The following DRC11 variants were observed in gnomAD, a reference collection of about 807,000 sequenced individuals.
The protein encoded by DRC11 is IQ and AAA domain-containing protein 1.
the DRC11 span, among the ~76,000 whole-genome samples, chr2:236,344,309 A>C: frequency 3.9e-5 from 6 of 152,164 alleles, no homozygotes; most frequent in Admixed American, 3.9e-4. Context: ...TCTGAATCGT[A>C]TGTTTGGGTG....
the DRC11 span, among the ~76,000 whole-genome samples, chr2:236,367,300 C>T: frequency 6.8e-6 from 1 of 147,830 alleles, no homozygotes; most frequent in African/African-American, 2.5e-5. This position sits in a 1 kb window ranked among gnomAD's most constrained non-coding sequence, Gnocchi z 4.8. Flanking sequence ...TTATATAAAA[C>T]ATATATATTA....
At chr2:236,434,551 G>A in the DRC11 span, among the ~76,000 whole-genome samples, 3 of 152,112 alleles carry the variant, frequency 2.0e-5, no homozygotes, top group East Asian at 5.8e-4. This position sits in a 1 kb window ranked among gnomAD's most constrained non-coding sequence, Gnocchi z 5.5. Flanking sequence ...AAACTGAATC[G>A]GAGTGTGGGG....
chr2:236,503,791 G>A, the DRC11 span: 60 of 1,196,002 alleles, frequency 5.0e-5, 1 homozygote, highest in Middle Eastern at 3.7e-3. This position sits in a 1 kb window ranked among gnomAD's most constrained non-coding sequence, Gnocchi z 4.9. Context: ...ACCATGCCTC[G>A]GCCACGCCAG....
chr2:236,425,140 C>G, the DRC11 span, among the ~76,000 whole-genome samples: 2 of 152,040 alleles, frequency 1.3e-5, no homozygotes, highest in Non-Finnish European at 2.9e-5. Flanking sequence ...GCAGACATCT[C>G]TTTGACACAC....
At chr2:236,343,607 G>T in the DRC11 span, 1 of 709,628 alleles carries the variant, frequency 1.4e-6, no homozygotes, top group Non-Finnish European at 2.2e-6. The surrounding 1 kb of genome is among the most constrained non-coding windows in gnomAD (Gnocchi z 6.6). Context: ...ATAACTCCAG[G>T]TGTGTGACAC....
chr2:236,507,254 T>TA, the DRC11 span: 3 of 1,613,878 alleles, frequency 1.9e-6, no homozygotes, highest in African/African-American at 2.7e-5. Flanking sequence ...GCCCATCACT[T>TA]ACGCGTTCGA....
At chr2:236,360,483 T>C in the DRC11 span, among the ~76,000 whole-genome samples, 2 of 152,186 alleles carry the variant, frequency 1.3e-5, no homozygotes, top group Non-Finnish European at 2.9e-5. The surrounding 1 kb of genome is among the most constrained non-coding windows in gnomAD (Gnocchi z 5.8). Flanking sequence ...TCAACAAAAT[T>C]TGATGTTTAG....
At chr2:236,479,685 T>G in the DRC11 span, among the ~76,000 whole-genome samples, 1 of 152,232 alleles carries the variant, frequency 6.6e-6, no homozygotes, top group East Asian at 1.9e-4. The surrounding 1 kb of genome is among the most constrained non-coding windows in gnomAD (Gnocchi z 4.1). Context: ...CTTTTTATAT[T>G]ACTTGTCTCT....
the DRC11 span, among the ~76,000 whole-genome samples, chr2:236,342,156 G>A: frequency 0.2 from 30,301 of 152,072 alleles, 3,285 homozygotes; most frequent in African/African-American, 0.24. This position sits in a 1 kb window ranked among gnomAD's most constrained non-coding sequence, Gnocchi z 5.8. Context: ...GGGATTTCCC[G>A]GAGTCCCTCA....
the DRC11 span, among the ~76,000 whole-genome samples, chr2:236,499,028 T>A: frequency 6.6e-6 from 1 of 152,246 alleles, no homozygotes; most frequent in African/African-American, 2.4e-5. This position sits in a 1 kb window ranked among gnomAD's most constrained non-coding sequence, Gnocchi z 4.7. Flanking sequence ...CCTTTCCCTA[T>A]GCTAAGGGGA....
the DRC11 span, among the ~76,000 whole-genome samples, chr2:236,428,565 T>C: frequency 1.2e-4 from 18 of 152,304 alleles, no homozygotes; most frequent in East Asian, 3.1e-3. Context: ...CTGCTTTCTT[T>C]TGGATTCAAT....
At chr2:236,504,441 T>C in the DRC11 span, among the ~76,000 whole-genome samples, 1 of 152,170 alleles carries the variant, frequency 6.6e-6, no homozygotes, top group African/African-American at 2.4e-5. The surrounding 1 kb of genome is among the most constrained non-coding windows in gnomAD (Gnocchi z 5.0). Context: ...GAAATATGTC[T>C]TTATTTTCCC....
chr2:236,450,380 C>T, the DRC11 span, among the ~76,000 whole-genome samples: 12 of 129,318 alleles, frequency 9.3e-5, no homozygotes, highest in Middle Eastern at 0.012. Context: ...AGTGCAGTGG[C>T]GCAATCTCGG....
the DRC11 span, chr2:236,332,988 T>G: frequency 6.6e-6 from 1 of 152,198 alleles, no homozygotes; most frequent in South Asian, 2.1e-4. The surrounding 1 kb of genome is among the most constrained non-coding windows in gnomAD (Gnocchi z 5.1). Context: ...CCTGATCTAC[T>G]CTGCTCCTGC....
chr2:236,457,973 G>C, the DRC11 span, among the ~76,000 whole-genome samples: 1 of 152,200 alleles, frequency 6.6e-6, no homozygotes, highest in African/African-American at 2.4e-5. The surrounding 1 kb of genome is among the most constrained non-coding windows in gnomAD (Gnocchi z 4.7). Context: ...AATGTATAAA[G>C]CACTTCAAAT....
chr2:236,377,670 G>A, the DRC11 span, among the ~76,000 whole-genome samples: 2 of 152,192 alleles, frequency 1.3e-5, no homozygotes, highest in African/African-American at 4.8e-5. This position sits in a 1 kb window ranked among gnomAD's most constrained non-coding sequence, Gnocchi z 4.9. Context: ...TTATACTGAA[G>A]ATAATTCTTA....
chr2:236,401,340 C>T, the DRC11 span, among the ~76,000 whole-genome samples: 1 of 152,178 alleles, frequency 6.6e-6, no homozygotes, highest in Non-Finnish European at 1.5e-5. The surrounding 1 kb of genome is among the most constrained non-coding windows in gnomAD (Gnocchi z 4.6). Flanking sequence ...ACAGACCTCC[C>T]GTCCTCCTGA....
the DRC11 span, among the ~76,000 whole-genome samples, chr2:236,417,751 C>T: frequency 6.6e-6 from 1 of 151,862 alleles, no homozygotes; most frequent in African/African-American, 2.4e-5. Flanking sequence ...CTAACAGGCC[C>T]CTGTGTGTGA....
At chr2:236,504,294 ATTGCTAAGTTTCCTTTGTACAGATACACC>A in the DRC11 span, among the ~76,000 whole-genome samples, 2 of 151,790 alleles carry the variant, frequency 1.3e-5, no homozygotes, top group South Asian at 4.2e-4. The surrounding 1 kb of genome is among the most constrained non-coding windows in gnomAD (Gnocchi z 5.0). Flanking sequence ...ATTTCTTTCT[ATTGCTAAGTTTCCTTTGTACAGATACACC>A]ACATTTTGTT....
Sources: allele counts gnomAD v4.1 joint callset (sites outside exome capture counted in the v4.1 genomes callset), GRCh38; gene constraint gnomAD v4.1.1; non-coding constraint Gnocchi (gnomAD v3.1); transcripts MANE v1.5; gene names NCBI Gene and HGNC (gene_info 2026-07-23, HGNC 2026-07-21).